Variants in RIMS2 observed in about 807,000 individuals in gnomAD.
RIMS2 encodes regulating synaptic membrane exocytosis protein 2.
A neutral mutation model predicts 174.4 loss-of-function variants in RIMS2; 59 were observed. The observed-to-expected ratio is 0.34, with a 90% CI of 0.27 to 0.42. The LOEUF (loss-of-function observed/expected upper bound fraction) is 0.42, where lower values mean the gene tolerates loss of function less well. RIMS2 is among the 10% of genes least tolerant of loss of function. The probability of loss-of-function intolerance (pLI) is 1.00; values close to 1 mark genes in which losing one functional copy is unlikely to be tolerated. For missense variants in RIMS2, 1,620 were observed against 1,666.3 expected (o/e 0.97, Z 0.48); for synonymous variants, 606 against 572.5 (o/e 1.06, Z -0.84).
intron 3 of RIMS2, among the ~76,000 whole-genome samples, chr8:103,859,792 A>C (rs939042158): frequency 6.6e-6 from 1 of 152,130 alleles, no homozygotes; most frequent in Non-Finnish European, 1.5e-5. Flanking sequence ...GTGGTCTAGC[A>C]GTCCAGGGTC....
intron 19 of RIMS2, among the ~76,000 whole-genome samples, chr8:104,040,604 G>A (rs1195307641): frequency 1.3e-5 from 2 of 151,646 alleles, no homozygotes; most frequent in African/African-American, 4.8e-5. Flanking sequence ...TCTGTTGAAT[G>A]AATAGGCATT....
intron 1 of RIMS2, among the ~76,000 whole-genome samples, chr8:103,582,526 C>T (rs1193723425): frequency 6.6e-6 from 1 of 152,178 alleles, no homozygotes; most frequent in African/African-American, 2.4e-5. Flanking sequence ...GATGGTATTT[C>T]TGGATGTGTC....
intron 1 of RIMS2, among the ~76,000 whole-genome samples, chr8:103,607,451 T>A (rs201138586): frequency 2.6e-5 from 4 of 151,846 alleles, no homozygotes; most frequent in African/African-American, 9.7e-5. Flanking sequence ...CCTTCATTTC[T>A]ACTTTGGTGA....
chr8:104,112,582 A>T (rs2098208232), intron 19 of RIMS2, among the ~76,000 whole-genome samples: 2 of 152,200 alleles, frequency 1.3e-5, no homozygotes, highest in Admixed American at 1.3e-4. Flanking sequence ...CTGGTTTAAG[A>T]TTCTGTTGCT....
chr8:103,991,259 C>A (rs1234251771), intron 17 of RIMS2, among the ~76,000 whole-genome samples: 1 of 151,644 alleles, frequency 6.6e-6, no homozygotes, highest in East Asian at 1.9e-4. Flanking sequence ...AGAGCACTGT[C>A]AATGCCAGAT....
intron 19 of RIMS2, among the ~76,000 whole-genome samples, chr8:104,039,515 A>C (rs1166299042): frequency 1.3e-5 from 2 of 151,782 alleles, no homozygotes; most frequent in Non-Finnish European, 3.0e-5. Flanking sequence ...AGATGAAGAA[A>C]AAAGCTTCAT....
At chr8:103,860,427 A>G (rs1259477271) in intron 3 of RIMS2, among the ~76,000 whole-genome samples, 1 of 152,190 alleles carries the variant, frequency 6.6e-6, no homozygotes, top group Admixed American at 6.5e-5. Flanking sequence ...ATCACCGTGC[A>G]TAGTATTTAG....
At chr8:103,816,903 A>T (rs2098721528) in intron 3 of RIMS2, among the ~76,000 whole-genome samples, 1 of 152,048 alleles carries the variant, frequency 6.6e-6, no homozygotes, top group Non-Finnish European at 1.5e-5. Context: ...TATAAAAGAA[A>T]CCTTTTTAAC....
chr8:103,562,458 T>G (rs1169522917), intron 1 of RIMS2, among the ~76,000 whole-genome samples: 1 of 152,226 alleles, frequency 6.6e-6, no homozygotes, highest in Non-Finnish European at 1.5e-5. Flanking sequence ...TCTCCTCTCC[T>G]TTGACACCAT....
chr8:104,161,769 G>A (rs895266568), intron 19 of RIMS2, among the ~76,000 whole-genome samples: 14 of 152,256 alleles, frequency 9.2e-5, no homozygotes, highest in South Asian at 4.1e-4. Context: ...TGTCATCCAC[G>A]CTCGGATTTT....
intron 19 of RIMS2, among the ~76,000 whole-genome samples, chr8:104,123,920 T>A (rs2098406482): frequency 6.6e-6 from 1 of 152,132 alleles, no homozygotes; most frequent in African/African-American, 2.4e-5. Flanking sequence ...TAAAGTGGAT[T>A]TTCTTATACT....
chr8:104,167,765 A>T (rs2098806432), intron 19 of RIMS2, among the ~76,000 whole-genome samples: 1 of 152,104 alleles, frequency 6.6e-6, no homozygotes, highest in South Asian at 2.1e-4. Flanking sequence ...AATGTCTGGA[A>T]GAGTTTTTCC....
At chr8:103,612,073 A>C (rs2111495) in intron 1 of RIMS2, among the ~76,000 whole-genome samples, 118,664 of 152,074 alleles carry the variant, frequency 0.78, 46,616 homozygotes, top group East Asian at 0.88. Flanking sequence ...GAGAGACTCT[A>C]ATGCATTCTT....
intron 2 of RIMS2, among the ~76,000 whole-genome samples, chr8:103,705,357 G>A (rs1176669): frequency 0.35 from 53,795 of 151,770 alleles, 10,243 homozygotes; most frequent in East Asian, 0.77. Flanking sequence ...TTGTTTTCTG[G>A]CCTAAGATAT....
intron 1 of RIMS2, among the ~76,000 whole-genome samples, chr8:103,524,748 AGCCT>A (rs139862886): frequency 0.012 from 1,761 of 152,230 alleles, 31 homozygotes; most frequent in African/African-American, 0.039. Context: ...AGGATGCTGG[AGCCT>A]GCAGTCACCC....
Position 104,245,060 on chromosome 8 carries a change from G to C in RIMS2, c.3476+3G>C. On this transcript the variant is annotated splice_donor_region_variant and intron_variant, in intron 20 of 23. Transcript: ENST00000504942. ...AACAGCTACAGCTCAGAAGGAAAGTGAGTGAGGCTGCATGTGATGTGTGTC... is the reference window on the plus strand; with the variant it reads ...AACAGCTACAGCTCAGAAGGAAAGTCAGTGAGGCTGCATGTGATGTGTGTC... 1.2e-6 allele frequency: 2 copies of C among 1,613,534 alleles called. No homozygotes were observed. Among genetic ancestry groups the C allele is most frequent in the Non-Finnish European group, 1.7e-6 (2 of 1,179,602 alleles).
At chr8:103,577,562 TAACA>T (rs1357747458) in intron 1 of RIMS2, among the ~76,000 whole-genome samples, 4 of 152,164 alleles carry the variant, frequency 2.6e-5, no homozygotes, top group Admixed American at 1.3e-4. Flanking sequence ...TATACCTAGG[TAACA>T]AACCTGTACA....
intron 19 of RIMS2, among the ~76,000 whole-genome samples, chr8:104,211,596 G>C (rs114256379): frequency 6.7e-6 from 1 of 149,344 alleles, no homozygotes; most frequent in African/African-American, 2.5e-5. Context: ...ACAGAGTTTC[G>C]CTCTGTTGCC....
chr8:103,612,387 A>C (rs2095400447), intron 1 of RIMS2, among the ~76,000 whole-genome samples: 1 of 152,062 alleles, frequency 6.6e-6, no homozygotes, highest in African/African-American at 2.4e-5. Flanking sequence ...TTAGGTATTT[A>C]TTGTAGTCTT....
Sources: allele counts gnomAD v4.1 joint callset (sites outside exome capture counted in the v4.1 genomes callset), GRCh38; gene constraint gnomAD v4.1.1; transcripts MANE v1.5; gene names NCBI Gene and HGNC (gene_info 2026-07-23, HGNC 2026-07-21).